The following BCL11B variants were observed in gnomAD, a reference collection of about 807,000 sequenced individuals.
BCL11B encodes the protein B-cell lymphoma/leukemia 11B.
Under a neutral mutation model 49.9 loss-of-function variants are expected in BCL11B, and 8 were observed. The observed-to-expected ratio is 0.16, with a 90% confidence interval of 0.09 to 0.29. The LOEUF is 0.29. BCL11B is among the 10% of genes least tolerant of loss of function. The probability of loss-of-function intolerance (pLI) is 1.00; values close to 1 mark genes in which losing one functional copy is unlikely to be tolerated. For missense variants in BCL11B, 1,006 were observed against 1,351.0 expected (o/e 0.74, Z 4.00); for synonymous variants, 739 against 637.4 (o/e 1.16, Z -2.40).
intron 1 of BCL11B, among the ~76,000 whole-genome samples, chr14:99,267,544 AC>A (rs57963488): frequency 0.053 from 6,921 of 131,806 alleles, 388 homozygotes; most frequent in African/African-American, 0.14. Flanking sequence ...GAGGAACTTC[AC>A]CCCCCCCCCA....
At chr14:99,221,345 C>A (rs954156996) in intron 3 of BCL11B, among the ~76,000 whole-genome samples, 1 of 152,190 alleles carries the variant, frequency 6.6e-6, no homozygotes, top group African/African-American at 2.4e-5. Flanking sequence ...TTTAAAATGT[C>A]CAGTTTTATG....
intron 3 of BCL11B, among the ~76,000 whole-genome samples, chr14:99,191,312 T>C (rs1023085041): frequency 1.1e-4 from 17 of 151,720 alleles, no homozygotes; most frequent in African/African-American, 4.1e-4. Context: ...GATGAGCCAG[T>C]CCACATAGCA....
In BCL11B at chr14:99,271,288, A is replaced by C; in HGVS notation, c.-70T>G. The stretch of plus-strand genomic sequence containing the variant: ...GGGGGGAGCCGGGGGAGGGGGTCCG[A>C]GCCGCCGCCGCGCCGCTGCCGCCGC... On this transcript the variant is annotated 5_prime_UTR_variant, in exon 1 of 4. Transcript: ENST00000357195. 1 of 1,095,254 alleles carries C rather than the reference A, an allele frequency of 9.1e-7. No homozygotes were observed. The highest frequency in any genetic ancestry group is 1.2e-6 in the Non-Finnish European group (1 of 866,888). The allele number at this position is 1,095,254 out of a possible 1,614,324, so 67.8% of individuals were successfully genotyped here. A position where few individuals can be genotyped will look rare whatever the true frequency, so the allele number is the denominator to read the frequency against.
chr14:99,177,692 G>A (rs1288902898), intron 3 of BCL11B, among the ~76,000 whole-genome samples: 5 of 151,546 alleles, frequency 3.3e-5, no homozygotes, highest in Non-Finnish European at 7.4e-5. Context: ...GGGGCCACAA[G>A]CTCTGGTGAA....
Position 99,271,174 on chromosome 14 carries a change from C to T in BCL11B, c.45G>A (p.Arg15=). The T allele has an allele frequency of 6.4e-7, 1 of 1,551,490 alleles. No homozygotes were observed. The change falls in exon 1 of 4, where the codon AGG becomes AGA. Residue 15 remains arginine, a synonymous_variant. Coordinates refer to ENST00000357195, the MANE Select transcript of BCL11B (RefSeq NM_138576.4). Reference sequence around the variant, plus strand: ...GCAGACACTTACGGGTGATGAGCTCCCTCTGGGACAAGTGCTGCGGGTTGC... The same window carrying T: ...GCAGACACTTACGGGTGATGAGCTCTCTCTGGGACAAGTGCTGCGGGTTGC... ...KQGNPQHLSQ[R]ELITPEADHV...
chr14:99,199,883 G>A (rs925402314), intron 3 of BCL11B, among the ~76,000 whole-genome samples: 7 of 151,772 alleles, frequency 4.6e-5, no homozygotes, highest in East Asian at 1.9e-4. Flanking sequence ...ATATTCGAAC[G>A]CTTGTTGGTA....
chr14:99,176,002 C>A lies in BCL11B; in HGVS notation c.834G>T (p.Pro278=). ...TGCTGTCGCCCAGGAAATTCATGAG[C>A]GGGGACTGCGCCACGGCCTCCGGCC... ...PLGPEAVAQS[P]LMNFLGDSNP... Residue 278 remains proline (P), a synonymous_variant, in exon 4 of 4, where the codon CCG becomes CCT. Coordinates refer to ENST00000357195, the MANE Select transcript of BCL11B (RefSeq NM_138576.4). 2 of 1,537,388 alleles carry A rather than the reference C, an allele frequency of 1.3e-6. No homozygotes were observed. The highest frequency in any genetic ancestry group is 2.0e-5 in the Admixed American group (1 of 49,162).
At chr14:99,221,500 G>T (rs1482910629) in intron 3 of BCL11B, among the ~76,000 whole-genome samples, 1 of 152,238 alleles carries the variant, frequency 6.6e-6, no homozygotes, top group Admixed American at 6.5e-5. Flanking sequence ...GGCTGGCCCA[G>T]TGGCAGCTCT....
chr14:99,171,438 C>A lies in BCL11B; in HGVS notation c.*2713G>T, dbSNP rs1458562595. On this transcript the variant is annotated 3_prime_UTR_variant, in exon 4 of 4. Coordinates refer to ENST00000357195, the MANE Select transcript of BCL11B (RefSeq NM_138576.4). ...TTTTGTTTTTTTTTTCTTTTTATTT[C>A]CAAATTCACTAACAAAAAGGTACAT... 2 of 205,420 alleles carry A rather than the reference C, an allele frequency of 9.7e-6. 1 individual carries two copies. Among genetic ancestry groups the A allele is most frequent in the Non-Finnish European group, 2.0e-5 (2 of 102,152 alleles). The allele number at this position is 205,420 out of a possible 1,614,324, so 12.7% of individuals were successfully genotyped here. A position where few individuals can be genotyped will look rare whatever the true frequency, so the allele number is the denominator to read the frequency against.
intron 3 of BCL11B, among the ~76,000 whole-genome samples, chr14:99,202,295 T>C (rs570499363): frequency 6.6e-6 from 1 of 152,324 alleles, no homozygotes; most frequent in East Asian, 1.9e-4. Context: ...CACTGGCCTC[T>C]TTATAAGCGC....
chr14:99,182,292 A>G (rs1328089911), intron 3 of BCL11B, among the ~76,000 whole-genome samples: 1 of 152,176 alleles, frequency 6.6e-6, no homozygotes, highest in Admixed American at 6.5e-5. Flanking sequence ...CATGATGACC[A>G]TTTTACAGAT....
At chr14:99,243,516 A>C (rs1025975447) in intron 2 of BCL11B, among the ~76,000 whole-genome samples, 7 of 152,176 alleles carry the variant, frequency 4.6e-5, no homozygotes, top group African/African-American at 7.2e-5. Context: ...AGGGACAGGG[A>C]AGTAAACAAT....
rs1359633781 is a variant in BCL11B at position 99,195,316 on chromosome 14, A to G, written c.641-19121T>C. The stretch of plus-strand genomic sequence containing the variant: ...GGCTCCTCTGGAAGAAAAGGAAGAG[A>G]AGCTTCCCAGGGCTCTCCAGTATTC... On this transcript the variant is annotated intron_variant, in intron 3 of 3. Coordinates refer to ENST00000357195, the MANE Select transcript of BCL11B (RefSeq NM_138576.4). The surrounding 1 kb of genome is among the most constrained non-coding windows in gnomAD (Gnocchi z 4.7). Among the ~76,000 whole-genome samples the G allele has an allele frequency of 6.6e-6, 1 of 152,028 alleles. No individual in the cohort carries two copies. The highest frequency in any genetic ancestry group is 6.5e-5 in the Admixed American group (1 of 15,274).
At chr14:99,198,651 C>T (rs1359694995) in intron 3 of BCL11B, among the ~76,000 whole-genome samples, 1 of 152,158 alleles carries the variant, frequency 6.6e-6, no homozygotes, top group South Asian at 2.1e-4. Context: ...TCTCGCGACA[C>T]ATTCTCAGCC....
At chr14:99,189,893 A>G (rs973871475) in intron 3 of BCL11B, among the ~76,000 whole-genome samples, 4 of 152,184 alleles carry the variant, frequency 2.6e-5, no homozygotes, top group African/African-American at 9.7e-5. Flanking sequence ...TGAAGCCTAG[A>G]GGTCCAGGCC....
intron 3 of BCL11B, among the ~76,000 whole-genome samples, chr14:99,190,817 T>C (rs748884141): frequency 2.0e-4 from 30 of 152,186 alleles, no homozygotes; most frequent in Non-Finnish European, 3.7e-4. Context: ...AAGGTACAGA[T>C]GTCTGACCTA....
In BCL11B at chr14:99,271,305, TGCCGCCGCTGCCGCC is replaced by T; in HGVS notation, c.-102_-88del. 3 of 850,988 alleles carry T rather than the reference TGCCGCCGCTGCCGCC, an allele frequency of 3.5e-6. No individual in the cohort carries two copies. The highest frequency in any genetic ancestry group is 4.6e-6 in the Non-Finnish European group (3 of 650,000). 52.7% of individuals were successfully genotyped at this position (850,988 alleles called of 1,614,324 possible). On this transcript the variant is annotated 5_prime_UTR_variant, in exon 1 of 4. Coordinates refer to ENST00000357195, the MANE Select transcript of BCL11B (RefSeq NM_138576.4). The stretch of plus-strand genomic sequence containing the variant: ...GGGGTCCGAGCCGCCGCCGCGCCGC[TGCCGCCGCTGCCGCC>T]GCCGCCGCCGCCGCCGCACCTCCTC...
Position 99,205,790 on chromosome 14 carries a change from G to A in BCL11B, c.640+25555C>T, listed in dbSNP as rs1887517555. ...TAACAGCACACATACCAGTTCCCGG[G>A]AGCAGTATGGTTCTTGACCACGGTG... On this transcript the variant is annotated intron_variant, in intron 3 of 3. Transcript: ENST00000357195. This position sits in a 1 kb window ranked among gnomAD's most constrained non-coding sequence, Gnocchi z 5.0. Among the ~76,000 whole-genome samples the A allele has an allele frequency of 6.6e-6, 1 of 152,144 alleles. No individual in the cohort carries two copies. The highest frequency in any genetic ancestry group is 2.1e-4 in the South Asian group (1 of 4,828).
In BCL11B at chr14:99,175,372, G is replaced by A. The variant is rs763373308; in HGVS notation, c.1464C>T (p.Ser488=). Residue 488 remains serine, a synonymous_variant, in exon 4 of 4, where the codon TCC becomes TCT. Transcript: ENST00000357195. ...MHKAGSLAGR[S]DDGLSAASSP... is the part of the protein sequence containing the mutation. ...AGCTGGCGGCCGAGAGCCCGTCGTC[G>A]GAGCGGCCGGCCAGCGAGCCGGCCT... 2.5e-6 allele frequency: 4 copies of A among 1,585,526 alleles called. No individual in the cohort carries two copies. The South Asian group carries it at 3.4e-5, about 13-fold the overall frequency.
Sources: gnomAD v4.1 joint callset for allele counts (sites outside exome capture counted in the v4.1 genomes callset) on GRCh38, gnomAD v4.1.1 for gene constraint, Gnocchi (gnomAD v3.1) non-coding constraint, MANE v1.5 for transcripts, NCBI Gene and HGNC (gene_info 2026-07-23, HGNC 2026-07-21) for gene names.